Variants in CARF observed in about 807,000 individuals in gnomAD.
The protein encoded by CARF is calcium-responsive transcription factor.
In CARF, 57 loss-of-function variants were observed where a neutral mutation model predicts 82.0. That is an observed-to-expected ratio of 0.70 (90% confidence interval 0.56 to 0.87). The LOEUF (loss-of-function observed/expected upper bound fraction) is 0.87. CARF is among the 40% of genes least tolerant of loss of function. The probability of loss-of-function intolerance (pLI) is 0.00; values close to 1 mark genes in which losing one functional copy is unlikely to be tolerated. For synonymous variants in CARF, 268 were observed against 290.1 expected (o/e 0.92, Z 0.77); for missense variants, 771 against 855.8 (o/e 0.90, Z 1.24).
At position 202,969,913 on chromosome 2, in the gene CARF, A is replaced by T. The variant is rs73056727; in HGVS notation, c.954-6A>T. 1,449 of 1,462,022 alleles carry T rather than the reference A, an allele frequency of 9.9e-4. 18 individuals are homozygous for T. In the African/African-American group the frequency reaches 0.018, roughly 19 times the overall value. The allele number at this position is 1,462,022 out of a possible 1,614,324, so 90.6% of individuals were successfully genotyped here. On this transcript the variant is annotated splice_region_variant and splice_polypyrimidine_tract_variant and intron_variant, in intron 10 of 16. Coordinates refer to ENST00000438828, the MANE Select transcript of CARF (RefSeq NM_024744.17). ...TGAAACAAATTCTTCTTTATCTTGT[A>T]TAAAGGATTTACATTAAAAAGGTAC...
chr2:202,959,432 A>T (rs1314924053), intron 8 of CARF, among the ~76,000 whole-genome samples: 1 of 152,202 alleles, frequency 6.6e-6, no homozygotes, highest in African/African-American at 2.4e-5. Context: ...TATTTCCTCT[A>T]AGGGGGAAAC....
chr2:202,984,972 C>T lies in CARF; in HGVS notation c.*1348C>T, dbSNP rs1040037544. The stretch of plus-strand genomic sequence containing the variant: ...TTGGGAGGCTAAGGCAGGAGAATCG[C>T]TTGAACACCGGAGGCGGAGGTTGCA... On this transcript the variant is annotated 3_prime_UTR_variant, in exon 17 of 17. Transcript: ENST00000438828. The T allele has an allele frequency of 1.3e-5, 2 of 151,666 alleles. No individual in the cohort carries two copies. Among genetic ancestry groups the T allele is most frequent in the African/African-American group, 4.8e-5 (2 of 41,252 alleles). 9.4% of individuals were successfully genotyped at this position (151,666 alleles called of 1,614,324 possible).
Position 202,981,700 on chromosome 2 carries a change from A to T in CARF, c.1689+15A>T, listed in dbSNP as rs200859308. On this transcript the variant is annotated intron_variant, in intron 15 of 16. Coordinates refer to ENST00000438828, the MANE Select transcript of CARF (RefSeq NM_024744.17). ...CACAACTACAGGTAGGTATCCAGTA[A>T]AATATCCAAATTTGAGGTCCTTCTC... The T allele has an allele frequency of 3.3e-5, 53 of 1,603,032 alleles. No homozygotes were observed. The highest frequency in any genetic ancestry group is 4.2e-5 in the Non-Finnish European group (49 of 1,174,920).
chr2:202,982,191 G>C lies in CARF; in HGVS notation c.1809G>C (p.Met603Ile). 1.2e-6 allele frequency: 2 copies of C among 1,614,136 alleles called. No individual in the cohort carries two copies. The highest frequency in any genetic ancestry group is 1.7e-6 in the Non-Finnish European group (2 of 1,180,012). The change falls in exon 16 of 17, where the codon ATG becomes ATC. Residue 603 changes from methionine to isoleucine, a missense_variant. Transcript: ENST00000438828. ...TGGATACAATAGGAAGTGCTGTAAT[G>C]AATAATAATTCTCTACTGCTTGGTC... ...GLLDTIGSAV[M>I]NNNSLLLGQS... is the part of the protein sequence containing the mutation.
At chr2:202,931,170 C>G (rs1020031690) in intron 3 of CARF, among the ~76,000 whole-genome samples, 1 of 151,852 alleles carries the variant, frequency 6.6e-6, no homozygotes, top group Non-Finnish European at 1.5e-5. Flanking sequence ...ATGGGTTTCT[C>G]CATGTTGGCC....
At chr2:202,980,616 G>GTATATA (rs34656288) in intron 14 of CARF, among the ~76,000 whole-genome samples, 671 of 42,052 alleles carry the variant, frequency 0.016, 75 homozygotes, top group African/African-American at 0.027. Flanking sequence ...CGTCTTTCAA[G>GTATATA]TATATATATA....
At chr2:202,952,435 A>G (rs2058798053) in intron 5 of CARF, 124 bp from the exon 6 acceptor site, 3 of 913,152 alleles carry the variant, frequency 3.3e-6, no homozygotes, top group South Asian at 2.4e-5. Flanking sequence ...TCATCTATAA[A>G]ATGGGGGAAA....
intron 2 of CARF, among the ~76,000 whole-genome samples, chr2:202,918,610 G>T (rs1409923548): frequency 3.3e-5 from 5 of 152,202 alleles, no homozygotes; most frequent in Non-Finnish European, 4.4e-5. Flanking sequence ...AAAACTTATA[G>T]CATATACTGA....
chr2:202,986,868 G>GTATATACATATATATA lies in CARF; in HGVS notation c.*3250_*3251insCATATATATATATATA, dbSNP rs1553584368. On this transcript the variant is annotated 3_prime_UTR_variant, in exon 17 of 17. Coordinates refer to ENST00000438828, the MANE Select transcript of CARF (RefSeq NM_024744.17). ...AAAGAGGTTTAAAAAATGTCTGTGC[G>GTATATACATATATATA]TATATATATATATATATATATATAT... 1 of 29,638 alleles carries GTATATACATATATATA rather than the reference G, an allele frequency of 3.4e-5. No individual in the cohort carries two copies. The highest frequency in any genetic ancestry group is 9.3e-5 in the Non-Finnish European group (1 of 10,736). The allele number at this position is 29,638 out of a possible 1,614,324, so 1.8% of individuals were successfully genotyped here.
chr2:202,967,286 A>G (rs1485827546), intron 10 of CARF, among the ~76,000 whole-genome samples, 188 bp downstream of exon 10: 1 of 152,226 alleles, frequency 6.6e-6, no homozygotes, highest in Admixed American at 6.5e-5. Context: ...TTCCAAAGAT[A>G]TTCTGTGTAT....
At chr2:202,915,666 TATC>T (rs1689496978) in intron 1 of CARF, among the ~76,000 whole-genome samples, 1 of 151,908 alleles carries the variant, frequency 6.6e-6, no homozygotes, top group South Asian at 2.1e-4. Context: ...CACAGGGTTT[TATC>T]ATGTTGGCCA....
Position 202,974,339 on chromosome 2 carries a change from T to C in CARF, c.1337T>C (p.Phe446Ser), listed in dbSNP as rs372878468. 11 of 1,578,300 alleles carry C rather than the reference T, an allele frequency of 7.0e-6. No homozygotes were observed. In the South Asian group the frequency reaches 1.3e-4, roughly 19 times the overall value. ...VYAVRKQLRK[F>S]VERELFKPDE... ...CCATTTTGTATTCTTTACAGAAAAT[T>C]TGTGGAAAGGGAACTGTTCAAACCC... The change falls in exon 13 of 17, where the codon TTT (phenylalanine) becomes TCT (serine). Residue 446 changes from phenylalanine (F) to serine (S), a missense_variant. Physicochemically the swap from Phe to Ser is radical, Grantham distance 155. Coordinates refer to ENST00000438828, the MANE Select transcript of CARF (RefSeq NM_024744.17).
chr2:202,917,779 A>G (rs1324148668), intron 1 of CARF, 98 bp from the exon 2 acceptor site: 1 of 214,754 alleles, frequency 4.7e-6, no homozygotes, highest in Non-Finnish European at 9.5e-6. Flanking sequence ...CACCAGGCTG[A>G]TAATGGTTAT....
chr2:202,976,783 T>C (rs2060048835), intron 13 of CARF, among the ~76,000 whole-genome samples: 1 of 149,562 alleles, frequency 6.7e-6, no homozygotes, highest in African/African-American at 2.5e-5. Flanking sequence ...CAATCACGGC[T>C]CACTGCAGCC....
chr2:202,964,740 C>T (rs2059471532), intron 9 of CARF, among the ~76,000 whole-genome samples: 2 of 151,922 alleles, frequency 1.3e-5, no homozygotes, highest in South Asian at 2.1e-4. Flanking sequence ...TCTCATACCC[C>T]TTACACTTCC....
chr2:202,950,153 T>A lies in CARF; in HGVS notation c.307-2406T>A, dbSNP rs773926199. Among the ~76,000 whole-genome samples the A allele has an allele frequency of 1.3e-5, 2 of 152,160 alleles. 1 individual carries two copies. Among genetic ancestry groups the A allele is most frequent in the Non-Finnish European group, 2.9e-5 (2 of 68,028 alleles). On this transcript the variant is annotated intron_variant, in intron 5 of 16. Transcript: ENST00000438828. ...GGAAAAGTAATATTAACATTGTCAT[T>A]GTCAGATTATATGAATTGTAAATAG...
chr2:202,925,559 T>A (rs778476763), intron 3 of CARF: 1 of 244,376 alleles, frequency 4.1e-6, no homozygotes, highest in Non-Finnish European at 8.2e-6. Flanking sequence ...CTGCGTCACA[T>A]GAAGACAGAT....
At chr2:202,918,088 A>G (rs1690061121) in intron 2 of CARF, 45 bp downstream of exon 2, 1 of 442,808 alleles carries the variant, frequency 2.3e-6, no homozygotes, top group Non-Finnish European at 4.5e-6. Flanking sequence ...TATTTTAAAA[A>G]GTTAACTATT....
chr2:202,946,849 G>A (rs2105822489), intron 5 of CARF, among the ~76,000 whole-genome samples: 1 of 152,294 alleles, frequency 6.6e-6, no homozygotes, highest in African/African-American at 2.4e-5. Flanking sequence ...TTCCAAAGAA[G>A]ACATTTATGT....
Sources: gnomAD v4.1 joint callset for allele counts (sites outside exome capture counted in the v4.1 genomes callset) on GRCh38, gnomAD v4.1.1 for gene constraint, MANE v1.5 for transcripts, NCBI Gene and HGNC (gene_info 2026-07-23, HGNC 2026-07-21) for gene names.